Variants in SORBS2 observed in about 807,000 individuals in gnomAD.
SORBS2 encodes sorbin and SH3 domain-containing protein 2.
In SORBS2, 46 loss-of-function variants were observed where a neutral mutation model predicts 97.7. That is an observed-to-expected ratio of 0.47 (90% confidence interval 0.37 to 0.60). The LOEUF is 0.60. Ranked by LOEUF, SORBS2 falls within the 20% of genes least tolerant of loss-of-function variation. The pLI is 0.00. For missense variants in SORBS2, 1,316 were observed against 1,282.3 expected (o/e 1.03, Z -0.40); for synonymous variants, 476 against 473.4 (o/e 1.01, Z -0.07).
chr4:185,871,238 C>T (rs1397481498), intron 1 of SORBS2, among the ~76,000 whole-genome samples: 1 of 151,936 alleles, frequency 6.6e-6, no homozygotes, highest in African/African-American at 2.4e-5. Context: ...CTTTTTCATT[C>T]TTAACAGTGT....
rs78077785 is a variant in SORBS2, at chr4:185,623,772, A to C, written c.1357T>G (p.Phe453Val). 1 of 1,613,958 alleles carries C rather than the reference A, an allele frequency of 6.2e-7. No homozygotes were observed. Among genetic ancestry groups the C allele is most frequent in the Admixed American group, 1.7e-5 (1 of 60,004 alleles). Reference sequence around the variant, plus strand: ...TCCTCCAGCAAATACTCAATGGAAAACCGCCTCTTGGGACATAGGCCATTT... The same window carrying C: ...TCCTCCAGCAAATACTCAATGGAAACCCGCCTCTTGGGACATAGGCCATTT... The change falls in exon 7 of 15, where the codon TTT becomes GTT. Residue 453 changes from phenylalanine (F) to valine (V), a missense_variant. Coordinates refer to ENST00000418609, the Ensembl canonical transcript of SORBS2. This position sits in a 1 kb window ranked among gnomAD's most constrained non-coding sequence, Gnocchi z 6.4.
intron 1 of SORBS2, among the ~76,000 whole-genome samples, chr4:185,881,479 A>C (rs1309256485): frequency 1.3e-5 from 2 of 152,224 alleles, no homozygotes; most frequent in Non-Finnish European, 2.9e-5. Context: ...TCAAGCATGA[A>C]GAAAGAATTT....
intron 2 of SORBS2, 22 bp downstream of exon 4, chr4:185,690,540 T>A: frequency 6.7e-7 from 1 of 1,499,640 alleles, no homozygotes. Context: ...CTAAAAGAGT[T>A]TAAAACTAAC....
chr4:185,691,553 C>A (rs1411207344), intron 2 of SORBS2, among the ~76,000 whole-genome samples: 1 of 151,176 alleles, frequency 6.6e-6, no homozygotes, highest in African/African-American at 2.5e-5. Flanking sequence ...ATGAATGTAA[C>A]GCATATTTTC....
intron 1 of SORBS2, among the ~76,000 whole-genome samples, chr4:185,911,311 T>C (rs1239069603): frequency 6.6e-6 from 1 of 152,196 alleles, no homozygotes; most frequent in Non-Finnish European, 1.5e-5. Context: ...CACTGCAGCC[T>C]TGACCTCCTG....
chr4:185,721,905 T>G (rs2098517719), intron 2 of SORBS2, among the ~76,000 whole-genome samples: 1 of 152,206 alleles, frequency 6.6e-6, no homozygotes, highest in Admixed American at 6.5e-5. Flanking sequence ...AATTATCATG[T>G]GAGAGTGCAC....
At chr4:185,904,448 T>C (rs2099249545) in intron 1 of SORBS2, among the ~76,000 whole-genome samples, 1 of 152,170 alleles carries the variant, frequency 6.6e-6, no homozygotes, top group Non-Finnish European at 1.5e-5. Flanking sequence ...GGCTTTGGAC[T>C]GTGGAGAGAC....
intron 12 of SORBS2, among the ~76,000 whole-genome samples, chr4:185,609,745 T>TA (rs1172048742): frequency 6.6e-6 from 1 of 152,272 alleles, no homozygotes; most frequent in Non-Finnish European, 1.5e-5. Flanking sequence ...GAGTGATTTA[T>TA]AAATTATTAA....
chr4:185,939,592 C>A (rs879417121), intron 1 of SORBS2, among the ~76,000 whole-genome samples: 3 of 152,168 alleles, frequency 2.0e-5, no homozygotes, highest in African/African-American at 7.2e-5. Flanking sequence ...CTCACCGCAA[C>A]CTCTGCCTCC....
At chr4:185,921,470 T>C (rs1052574325) in intron 1 of SORBS2, among the ~76,000 whole-genome samples, 2 of 152,160 alleles carry the variant, frequency 1.3e-5, no homozygotes, top group Non-Finnish European at 1.5e-5. Context: ...TTATTAAATT[T>C]TTCCCTATTA....
intron 1 of SORBS2, among the ~76,000 whole-genome samples, chr4:185,836,910 A>T (rs1305102475): frequency 6.6e-6 from 1 of 152,172 alleles, no homozygotes; most frequent in Non-Finnish European, 1.5e-5. Flanking sequence ...TGACCTCTTG[A>T]CTCCAGAGTC....
chr4:185,708,841 T>C (rs1190734026), intron 2 of SORBS2, among the ~76,000 whole-genome samples: 2 of 152,346 alleles, frequency 1.3e-5, no homozygotes, highest in South Asian at 2.1e-4. Context: ...TAAAGTGTTT[T>C]CTAGAGAGTT....
At chr4:185,752,531 C>A (rs2098807494) in intron 2 of SORBS2, among the ~76,000 whole-genome samples, 1 of 152,166 alleles carries the variant, frequency 6.6e-6, no homozygotes, top group South Asian at 2.1e-4. Context: ...CCGCCTCGGC[C>A]TCCCAAAGTG....
chr4:185,601,138 A>G (rs576507687), intron 12 of SORBS2, among the ~76,000 whole-genome samples: 2 of 152,116 alleles, frequency 1.3e-5, no homozygotes, highest in African/African-American at 4.8e-5. Context: ...GTAATGATTG[A>G]CCTCAAATCC....
intron 1 of SORBS2, among the ~76,000 whole-genome samples, chr4:185,901,246 C>T (rs1301343833): frequency 6.6e-6 from 1 of 151,816 alleles, no homozygotes; most frequent in African/African-American, 2.4e-5. Flanking sequence ...TCTTGTTGCC[C>T]AGGCTGGAGT....
At chr4:185,595,146 T>C (rs956341535) in intron 12 of SORBS2, among the ~76,000 whole-genome samples, 1 of 152,210 alleles carries the variant, frequency 6.6e-6, no homozygotes, top group Non-Finnish European at 1.5e-5. Flanking sequence ...CCTACTTGTC[T>C]ATCTAGCATA....
At chr4:185,850,048 G>C (rs1354770818) in intron 1 of SORBS2, among the ~76,000 whole-genome samples, 1 of 152,182 alleles carries the variant, frequency 6.6e-6, no homozygotes, top group Non-Finnish European at 1.5e-5. Flanking sequence ...GGCCTGTGCA[G>C]ATACTGATTT....
chr4:185,794,252 G>A (rs1158102342), intron 1 of SORBS2, among the ~76,000 whole-genome samples: 1 of 152,172 alleles, frequency 6.6e-6, no homozygotes, highest in African/African-American at 2.4e-5. Flanking sequence ...CAGAAAGAGA[G>A]TGGAGAGATG....
chr4:185,668,569 T>C (rs1234739589), intron 4 of SORBS2, among the ~76,000 whole-genome samples: 2 of 152,212 alleles, frequency 1.3e-5, no homozygotes, highest in African/African-American at 4.8e-5. Flanking sequence ...ATGAATGGAA[T>C]ATACCCTGTA....
Sources: gnomAD v4.1 joint callset for allele counts (sites outside exome capture counted in the v4.1 genomes callset) on GRCh38, gnomAD v4.1.1 for gene constraint, Gnocchi (gnomAD v3.1) non-coding constraint, MANE v1.5 for transcripts, NCBI Gene and HGNC (gene_info 2026-07-23, HGNC 2026-07-21) for gene names.